The following TXNL1 variants were observed in gnomAD, a reference collection of about 807,000 sequenced individuals.
TXNL1 encodes the protein thioredoxin like 1.
A neutral mutation model predicts 35.5 loss-of-function variants in TXNL1; 14 were observed. The observed-to-expected ratio is 0.39, with a 90% CI of 0.26 to 0.62. The LOEUF (loss-of-function observed/expected upper bound fraction) is 0.62, where lower values mean the gene tolerates loss of function less well. TXNL1 is among the 20% of genes least tolerant of loss of function. The pLI is 0.47. For missense variants in TXNL1, 263 were observed against 349.7 expected, an observed-to-expected ratio of 0.75 and a Z score of 1.98; for synonymous variants, 110 against 115.5, an observed-to-expected ratio of 0.95 and a Z score of 0.31.
At chr18:56,633,748 G>A (rs977817552) in intron 1 of TXNL1, among the ~76,000 whole-genome samples, 4 of 151,888 alleles carry the variant, frequency 2.6e-5, no homozygotes, top group African/African-American at 9.7e-5. Flanking sequence ...CACTTTGAGA[G>A]GCCGAGGCGG....
rs1181081051 is a variant in TXNL1, at chr18:56,597,535, TA to T, written c.*5491del. ...GGTGACTGCTCCCTCTTGGATTCAT[TA>T]ACACTACTTTATTACCACCTCCTGT... On this transcript the variant is annotated 3_prime_UTR_variant, in exon 8 of 8. Coordinates refer to ENST00000217515, the MANE Select transcript of TXNL1 (RefSeq NM_004786.3). 6.6e-5 allele frequency: 10 copies of T among 152,234 alleles called. No homozygotes were observed. The highest frequency in any genetic ancestry group is 2.0e-4 in the Admixed American group (3 of 15,284). 9.4% of individuals were successfully genotyped at this position (152,234 alleles called of 1,614,324 possible).
intron 7 of TXNL1, among the ~76,000 whole-genome samples, chr18:56,603,345 T>TA (rs34855550): frequency 0.096 from 14,541 of 151,682 alleles, 862 homozygotes; most frequent in Non-Finnish European, 0.13. Flanking sequence ...GAAGTTAATT[T>TA]AAAAAATGAT....
chr18:56,638,514 G>C lies in TXNL1; in HGVS notation c.-74C>G. ...CTGAAGGAGAAGACGATCTGGGAGAGGAAGGAGAGATGCTCAGGAAGGCCG... is the reference window on the plus strand; with the variant it reads ...CTGAAGGAGAAGACGATCTGGGAGACGAAGGAGAGATGCTCAGGAAGGCCG... On this transcript the variant is annotated 5_prime_UTR_variant, in exon 1 of 8. Coordinates refer to ENST00000217515, the MANE Select transcript of TXNL1 (RefSeq NM_004786.3). 2 of 1,476,896 alleles carry C rather than the reference G, an allele frequency of 1.4e-6. No individual in the cohort carries two copies. Among genetic ancestry groups the C allele is most frequent in the South Asian group, 1.2e-5 (1 of 82,654 alleles). The allele number at this position is 1,476,896 out of a possible 1,614,324, so 91.5% of individuals were successfully genotyped here.
At chr18:56,638,298 A>G (rs757127561) in intron 1 of TXNL1, 45 bp downstream of exon 1, 1 of 1,555,314 alleles carries the variant, frequency 6.4e-7, no homozygotes, top group African/African-American at 1.4e-5. Flanking sequence ...AAAGGAAAGC[A>G]AGGAAGGACA....
At position 56,599,122 on chromosome 18, in the gene TXNL1, T is replaced by A. The variant is rs186901869; in HGVS notation, c.*3905A>T. On this transcript the variant is annotated 3_prime_UTR_variant, in exon 8 of 8. Transcript: ENST00000217515. ...TTAATATTCCAAGCTGTGTACAATT[T>A]TAGTACATTCAAATTCTAAAGGTTA... 3.9e-5 allele frequency: 6 copies of A among 152,340 alleles called. No individual in the cohort carries two copies. Among genetic ancestry groups the A allele is most frequent in the African/African-American group, 9.6e-5 (4 of 41,570 alleles). 9.4% of individuals were successfully genotyped at this position (152,340 alleles called of 1,614,324 possible).
At chr18:56,637,829 G>T (rs926520435) in intron 1 of TXNL1, among the ~76,000 whole-genome samples, 1 of 152,228 alleles carries the variant, frequency 6.6e-6, no homozygotes, top group Non-Finnish European at 1.5e-5. Context: ...AGTTCGAAAT[G>T]CATTAGCAGA....
intron 4 of TXNL1, among the ~76,000 whole-genome samples, chr18:56,617,554 C>T (rs778346882): frequency 1.3e-5 from 2 of 152,192 alleles, no homozygotes; most frequent in Non-Finnish European, 2.9e-5. Context: ...TGGTAACACC[C>T]AACTTACTTT....
chr18:56,626,797 C>CTTTTT (rs386387792), intron 1 of TXNL1, among the ~76,000 whole-genome samples: 14,203 of 54,728 alleles, frequency 0.26, 3,945 homozygotes, highest in South Asian at 0.33. Context: ...CCAAGCCGGT[C>CTTTTT]TTTTTTTTTT....
chr18:56,601,835 A>G lies in TXNL1; in HGVS notation c.*1192T>C, dbSNP rs1254849300. 6.6e-6 allele frequency: 1 copy of G among 152,226 alleles called. No individual in the cohort carries two copies. Among genetic ancestry groups the G allele is most frequent in the Non-Finnish European group, 1.5e-5 (1 of 68,034 alleles). 9.4% of individuals were successfully genotyped at this position (152,226 alleles called of 1,614,324 possible). A position where few individuals can be genotyped will look rare whatever the true frequency, so the allele number is the denominator to read the frequency against. ...AAAATTAAAACTACCAATACTTTTTAGATTACAATTTTAAGATAAAAAAGG... is the reference window on the plus strand; with the variant it reads ...AAAATTAAAACTACCAATACTTTTTGGATTACAATTTTAAGATAAAAAAGG... On this transcript the variant is annotated 3_prime_UTR_variant, in exon 8 of 8. Coordinates refer to ENST00000217515, the MANE Select transcript of TXNL1 (RefSeq NM_004786.3).
intron 7 of TXNL1, among the ~76,000 whole-genome samples, chr18:56,605,729 G>T (rs2023882130): frequency 6.6e-6 from 1 of 152,060 alleles, no homozygotes; most frequent in Non-Finnish European, 1.5e-5. Flanking sequence ...GCCTATAAGA[G>T]CCAAAACCAG....
intron 6 of TXNL1, among the ~76,000 whole-genome samples, chr18:56,614,011 A>C (rs2024040796): frequency 6.6e-6 from 1 of 152,186 alleles, no homozygotes; most frequent in Non-Finnish European, 1.5e-5. Flanking sequence ...AAAAAAAAAT[A>C]AATAAATAAA....
intron 3 of TXNL1, among the ~76,000 whole-genome samples, chr18:56,619,703 AT>A (rs143580166): frequency 0.097 from 14,712 of 152,020 alleles, 854 homozygotes; most frequent in Non-Finnish European, 0.13. Context: ...TAACACTTCC[AT>A]ACCTCCCACA....
chr18:56,621,474 G>A (rs1006046805), intron 3 of TXNL1, among the ~76,000 whole-genome samples: 6 of 152,168 alleles, frequency 3.9e-5, no homozygotes, highest in Non-Finnish European at 8.8e-5. Context: ...GATTACAGGC[G>A]TGAGCCACCA....
chr18:56,624,547 C>A, intron 2 of TXNL1, 86 bp from the exon 3 acceptor site: 4 of 1,392,240 alleles, frequency 2.9e-6, no homozygotes, highest in South Asian at 1.5e-5. Context: ...AAGTTAAATA[C>A]CATAAGCATG....
intron 3 of TXNL1, among the ~76,000 whole-genome samples, chr18:56,622,300 G>A (rs1474073395): frequency 6.6e-6 from 1 of 151,956 alleles, no homozygotes; most frequent in Non-Finnish European, 1.5e-5. Flanking sequence ...CATTAATTAG[G>A]ACAACTTAAA....
At chr18:56,606,280 G>A (rs1366119475) in intron 7 of TXNL1, among the ~76,000 whole-genome samples, 2 of 152,108 alleles carry the variant, frequency 1.3e-5, no homozygotes, top group Non-Finnish European at 2.9e-5. Flanking sequence ...CAGAGGCTGA[G>A]GCAGGAGAAT....
intron 3 of TXNL1, among the ~76,000 whole-genome samples, chr18:56,623,524 A>C (rs658561): frequency 0.24 from 37,094 of 152,092 alleles, 4,945 homozygotes; most frequent in African/African-American, 0.36. Flanking sequence ...AACCAGAGAA[A>C]TTAAAAACTA....
chr18:56,620,672 C>G (rs894405067), intron 3 of TXNL1, among the ~76,000 whole-genome samples: 2 of 152,150 alleles, frequency 1.3e-5, no homozygotes. Context: ...TTCAAGTCTA[C>G]CAAGTATTAT....
intron 7 of TXNL1, chr18:56,609,712 C>T (rs2023959434): frequency 6.6e-6 from 1 of 152,192 alleles, no homozygotes; most frequent in Non-Finnish European, 1.5e-5. Context: ...GCCAAGACGT[C>T]TTTGTTGCTC....
Sources: gnomAD v4.1 joint callset for allele counts (sites outside exome capture counted in the v4.1 genomes callset) on GRCh38, gnomAD v4.1.1 for gene constraint, MANE v1.5 for transcripts, NCBI Gene and HGNC (gene_info 2026-07-23, HGNC 2026-07-21) for gene names.